The following FAM171A1 variants were observed in gnomAD, a reference collection of about 807,000 sequenced individuals.
FAM171A1 encodes the protein family with sequence similarity 171 member A1.
A neutral mutation model predicts 74.9 loss-of-function variants in FAM171A1; 23 were observed. The observed-to-expected ratio is 0.31, with a 90% CI of 0.22 to 0.44. The LOEUF (loss-of-function observed/expected upper bound fraction) is 0.44, where lower values mean the gene tolerates loss of function less well. Ranked by LOEUF, FAM171A1 falls within the 20% of genes least tolerant of loss-of-function variation. The pLI, the probability that FAM171A1 is intolerant of heterozygous loss-of-function variation, is 1.00. For missense variants in FAM171A1, 1,162 were observed against 1,159.2 expected (o/e 1.00, Z -0.03); for synonymous variants, 527 against 505.7 (o/e 1.04, Z -0.57).
chr10:15,224,644 G>T (rs1367159381), intron 5 of FAM171A1, among the ~76,000 whole-genome samples: 1 of 152,106 alleles, frequency 6.6e-6, no homozygotes, highest in Non-Finnish European at 1.5e-5. Context: ...AGATCTAATG[G>T]TTTTATAAGG....
intron 3 of FAM171A1, among the ~76,000 whole-genome samples, chr10:15,269,015 C>T (rs1351367091): frequency 6.7e-6 from 1 of 149,028 alleles, no homozygotes; most frequent in African/African-American, 2.5e-5. Flanking sequence ...GCACTCCAGC[C>T]TGGGCAACAG....
At chr10:15,303,803 T>A (rs967737482) in intron 1 of FAM171A1, among the ~76,000 whole-genome samples, 1 of 151,940 alleles carries the variant, frequency 6.6e-6, no homozygotes, top group East Asian at 1.9e-4. Flanking sequence ...GTTAGGAGAG[T>A]TGCAGGATCA....
chr10:15,299,960 TCAAACAAA>T (rs3033566), intron 1 of FAM171A1, among the ~76,000 whole-genome samples: 10 of 148,610 alleles, frequency 6.7e-5, no homozygotes, highest in African/African-American at 1.2e-4. Context: ...AGACTCCATC[TCAAACAAA>T]CAAACAAACA....
intron 6 of FAM171A1, among the ~76,000 whole-genome samples, chr10:15,220,057 T>C (rs1361350789): frequency 6.6e-6 from 1 of 152,248 alleles, no homozygotes; most frequent in East Asian, 1.9e-4. Context: ...ATATTTGAAC[T>C]TGCATTTTAG....
intron 2 of FAM171A1, among the ~76,000 whole-genome samples, chr10:15,277,766 T>G (rs905344922): frequency 6.6e-6 from 1 of 151,900 alleles, no homozygotes; most frequent in Non-Finnish European, 1.5e-5. Flanking sequence ...TGCTGGCTCT[T>G]TTTTTTTGAG....
chr10:15,267,162 A>G (rs562679122), intron 3 of FAM171A1, among the ~76,000 whole-genome samples: 123 of 152,320 alleles, frequency 8.1e-4, no homozygotes, highest in African/African-American at 2.9e-3. Flanking sequence ...GTCTTGGTAG[A>G]GATCAACAGG....
At chr10:15,253,513 CAGAG>C (rs1157990283) in intron 4 of FAM171A1, among the ~76,000 whole-genome samples, 1 of 152,078 alleles carries the variant, frequency 6.6e-6, no homozygotes, top group African/African-American at 2.4e-5. Flanking sequence ...TTTTGGAAAA[CAGAG>C]AGAAGAAAAA....
At chr10:15,324,719 G>A (rs917213141) in intron 1 of FAM171A1, among the ~76,000 whole-genome samples, 1 of 151,062 alleles carries the variant, frequency 6.6e-6, no homozygotes, top group Non-Finnish European at 1.5e-5. Flanking sequence ...AACAGCCTTA[G>A]TTTCAAGAGT....
intron 1 of FAM171A1, among the ~76,000 whole-genome samples, chr10:15,353,164 G>A (rs1483490463): frequency 6.6e-6 from 1 of 152,148 alleles, no homozygotes; most frequent in African/African-American, 2.4e-5. Flanking sequence ...CAGATGGTAG[G>A]TAACAAAGAG....
chr10:15,240,684 A>G, intron 5 of FAM171A1: 1 of 982,384 alleles, frequency 1.0e-6, no homozygotes, highest in Non-Finnish European at 1.2e-6. Flanking sequence ...ATTTCCTGGC[A>G]GTCAAGGATT....
intron 1 of FAM171A1, among the ~76,000 whole-genome samples, chr10:15,310,220 A>G (rs1835344306): frequency 6.6e-6 from 1 of 152,228 alleles, no homozygotes; most frequent in East Asian, 1.9e-4. Context: ...AGAGGAACGA[A>G]AAATTTTTTA....
intron 1 of FAM171A1, among the ~76,000 whole-genome samples, chr10:15,313,131 G>A (rs942724902): frequency 5.9e-5 from 9 of 152,192 alleles, no homozygotes; most frequent in Admixed American, 2.6e-4. Context: ...CAGCTCCAGA[G>A]ACACGTAGAG....
At chr10:15,332,093 C>A (rs1426653415) in intron 1 of FAM171A1, among the ~76,000 whole-genome samples, 5 of 151,462 alleles carry the variant, frequency 3.3e-5, no homozygotes, top group Non-Finnish European at 7.4e-5. Flanking sequence ...GCTGGGATTA[C>A]AGGTGGGCAC....
Position 15,288,813 on chromosome 10 carries a change from C to CCTTTTTT in FAM171A1, c.98-4709_98-4708insAAAAAAG, listed in dbSNP as rs777503257. On this transcript the variant is annotated intron_variant, in intron 1 of 7. Transcript: ENST00000378116. ...AAAATGTCAGTATGATTCGGTAATT[C>CCTTTTTT]TTTTTTTTTTTTTTTTTTTTTTTTT... 3.0e-4 allele frequency among the ~76,000 whole-genome samples: 22 copies of CCTTTTTT among 73,694 alleles called. 2 individuals are homozygous for CCTTTTTT. The highest frequency in any genetic ancestry group is 1.1e-3 in the African/African-American group (22 of 20,804). The allele number at this position is 73,694 out of a possible 152,430, so 48.3% of individuals were successfully genotyped here. A position where few individuals can be genotyped will look rare whatever the true frequency, so the allele number is the denominator to read the frequency against.
chr10:15,270,501 T>A (rs1472088743), intron 3 of FAM171A1, among the ~76,000 whole-genome samples: 2 of 152,152 alleles, frequency 1.3e-5, no homozygotes, highest in Admixed American at 6.5e-5. Flanking sequence ...GACTTAAACG[T>A]CCCTGTTTGA....
chr10:15,254,938 G>A, intron 3 of FAM171A1, 59 bp from the exon 4 acceptor site: 2 of 1,550,364 alleles, frequency 1.3e-6, no homozygotes, highest in South Asian at 1.2e-5. Flanking sequence ...TTTAGAAAAT[G>A]CAAAACCAGG....
At chr10:15,370,350 G>A (rs895819872) in intron 1 of FAM171A1, among the ~76,000 whole-genome samples, 2 of 150,366 alleles carry the variant, frequency 1.3e-5, no homozygotes, top group Admixed American at 6.6e-5. Context: ...TGGTCTGGAA[G>A]AGACGTCAGA....
intron 3 of FAM171A1, among the ~76,000 whole-genome samples, chr10:15,267,599 C>G (rs1160925733): frequency 1.5e-5 from 1 of 65,390 alleles, no homozygotes; most frequent in Admixed American, 2.5e-4. Context: ...GAGACACCAT[C>G]GCAAAAAAAA....
In FAM171A1 at chr10:15,275,964, T is replaced by C. The variant is rs1048791832; in HGVS notation, c.326-17A>G. ...AGGAAAATACTGCAGGAAAAAGAAA[T>C]GGATAGAAGGGGATTTTAATAGTCA... is the stretch of plus-strand genomic sequence containing the variant. On this transcript the variant is annotated splice_polypyrimidine_tract_variant and intron_variant, in intron 2 of 7. Coordinates refer to ENST00000378116, the MANE Select transcript of FAM171A1 (RefSeq NM_001010924.2). 3.2e-6 allele frequency: 5 copies of C among 1,580,926 alleles called. No individual in the cohort carries two copies. The highest frequency in any genetic ancestry group is 4.3e-6 in the Non-Finnish European group (5 of 1,155,948).
Sources: gnomAD v4.1 joint callset for allele counts (sites outside exome capture counted in the v4.1 genomes callset) on GRCh38, gnomAD v4.1.1 for gene constraint, MANE v1.5 for transcripts, NCBI Gene and HGNC (gene_info 2026-07-23, HGNC 2026-07-21) for gene names.